GRIP1: variants seen among roughly 807,000 people sequenced by gnomAD.
The protein encoded by GRIP1 is glutamate receptor-interacting protein 1.
GRIP1 carries 45 observed loss-of-function variants against 129.9 expected under a neutral mutation model. That is an observed-to-expected ratio of 0.35 (90% CI 0.27 to 0.44). GRIP1 has a LOEUF of 0.44. Among genes scored for constraint, GRIP1 ranks in the 20% least tolerant of loss-of-function variants. GRIP1 has a pLI of 1.00. For missense variants in GRIP1, 1,196 were observed against 1,396.8 expected (o/e 0.86, Z 2.29); for synonymous variants, 530 against 520.8 (o/e 1.02, Z -0.24).
At chr12:66,949,776 T>C (rs1261982074) in intron 1 of GRIP1, among the ~76,000 whole-genome samples, 4 of 142,806 alleles carry the variant, frequency 2.8e-5, no homozygotes, top group African/African-American at 1.0e-4. Context: ...TTTTTTTTTT[T>C]TTTTTTTTTG....
At chr12:66,635,997 A>G (rs545366047) in intron 1 of GRIP1, among the ~76,000 whole-genome samples, 1 of 152,332 alleles carries the variant, frequency 6.6e-6, no homozygotes, top group South Asian at 2.1e-4. Context: ...CGATGGTGGA[A>G]GCAACCCTAC....
chr12:66,363,200 C>CAT (rs35452357), intron 23 of GRIP1, among the ~76,000 whole-genome samples: 6,194 of 88,102 alleles, frequency 0.07, 419 homozygotes, highest in African/African-American at 0.085. Context: ...TGTGTGTGTC[C>CAT]ATATATATAT....
At chr12:67,059,259 G>C (rs767515464) in intron 1 of GRIP1, among the ~76,000 whole-genome samples, 1 of 152,216 alleles carries the variant, frequency 6.6e-6, no homozygotes, top group Non-Finnish European at 1.5e-5. Flanking sequence ...CCTAGAAAAG[G>C]CCTCGGTAGA....
chr12:66,878,654 G>A (rs1454952460), intron 1 of GRIP1, among the ~76,000 whole-genome samples: 1 of 152,068 alleles, frequency 6.6e-6, no homozygotes, highest in East Asian at 1.9e-4. Flanking sequence ...ATCAGACTCC[G>A]TTTTAGGCAG....
At chr12:66,422,721 C>T (rs12371626) in intron 14 of GRIP1, among the ~76,000 whole-genome samples, 16,903 of 152,202 alleles carry the variant, frequency 0.11, 1,076 homozygotes, top group Middle Eastern at 0.15. Context: ...ACCTACACAG[C>T]TTTGCAGAGG....
intron 16 of GRIP1, among the ~76,000 whole-genome samples, chr12:66,397,110 C>CAA (rs71436004): frequency 0.13 from 7,785 of 59,856 alleles, 1,466 homozygotes; most frequent in Middle Eastern, 0.19. Flanking sequence ...GACTCTGTCT[C>CAA]AAAAAAAAAA....
chr12:66,627,108 T>A (rs1368364560), intron 1 of GRIP1, among the ~76,000 whole-genome samples: 1 of 152,228 alleles, frequency 6.6e-6, no homozygotes, highest in African/African-American at 2.4e-5. Context: ...AATACTTAGA[T>A]GTTCTTTCTC....
At chr12:66,420,881 G>A in intron 14 of GRIP1, 92 bp from the exon 15 acceptor site, 2 of 773,280 alleles carry the variant, frequency 2.6e-6, no homozygotes, top group Non-Finnish European at 4.7e-6. Context: ...CTTAATGCAA[G>A]TAATGTTTGT....
At chr12:66,604,581 T>TAGA (rs5798831) in intron 1 of GRIP1, among the ~76,000 whole-genome samples, 69 of 151,774 alleles carry the variant, frequency 4.5e-4, no homozygotes, top group African/African-American at 1.6e-3. Flanking sequence ...TTTTTCTTTG[T>TAGA]GAGAGGGCTA....
intron 1 of GRIP1, among the ~76,000 whole-genome samples, chr12:66,665,687 G>C (rs959975846): frequency 2.6e-5 from 4 of 152,090 alleles, no homozygotes; most frequent in African/African-American, 9.7e-5. Context: ...GGGATATTTG[G>C]GTTGTTTCCA....
intron 1 of GRIP1, among the ~76,000 whole-genome samples, chr12:66,699,768 T>C (rs1354749668): frequency 3.9e-5 from 6 of 151,928 alleles, no homozygotes; most frequent in Non-Finnish European, 1.5e-5. Flanking sequence ...AGTATGAGAG[T>C]TCAAAGGGCT....
chr12:66,803,363 A>C (rs1035805266), intron 1 of GRIP1, among the ~76,000 whole-genome samples: 2 of 152,280 alleles, frequency 1.3e-5, no homozygotes, highest in African/African-American at 4.8e-5. Context: ...GGGCATTTTA[A>C]ATCTAGTGGG....
At chr12:66,650,367 A>C (rs2032706612) in intron 1 of GRIP1, among the ~76,000 whole-genome samples, 1 of 152,228 alleles carries the variant, frequency 6.6e-6, no homozygotes, top group Non-Finnish European at 1.5e-5. Flanking sequence ...CTTGGTAAGC[A>C]AATAAAGTAT....
chr12:66,989,295 C>G (rs913539285), intron 1 of GRIP1, among the ~76,000 whole-genome samples: 11 of 152,220 alleles, frequency 7.2e-5, no homozygotes, highest in Non-Finnish European at 1.2e-4. Context: ...TTCTTTGTTG[C>G]TACTCTGGGT....
chr12:66,736,396 A>T (rs2036603582), intron 1 of GRIP1, among the ~76,000 whole-genome samples: 4 of 63,004 alleles, frequency 6.3e-5, no homozygotes, highest in Non-Finnish European at 1.3e-4. Flanking sequence ...TTTTTTTAGG[A>T]TACAGGGTCT....
At chr12:66,955,416 T>C (rs2041823977) in intron 1 of GRIP1, among the ~76,000 whole-genome samples, 1 of 151,902 alleles carries the variant, frequency 6.6e-6, no homozygotes, top group East Asian at 1.9e-4. Flanking sequence ...CTCTTTCAAA[T>C]AATAGCACCT....
intron 1 of GRIP1, among the ~76,000 whole-genome samples, chr12:66,802,060 TC>T (rs1393894922): frequency 6.6e-6 from 1 of 152,084 alleles, no homozygotes; most frequent in Non-Finnish European, 1.5e-5. Flanking sequence ...AGTGGATGTC[TC>T]CCCTACCCAA....
At chr12:66,770,172 TGTGA>T (rs1277485354) in intron 1 of GRIP1, among the ~76,000 whole-genome samples, 8 of 152,212 alleles carry the variant, frequency 5.3e-5, no homozygotes, top group African/African-American at 1.9e-4. Context: ...GTTCGATAAA[TGTGA>T]GTTTTTGTTT....
intron 2 of GRIP1, among the ~76,000 whole-genome samples, chr12:66,579,566 G>T (rs2063289090): frequency 6.6e-6 from 1 of 152,178 alleles, no homozygotes; most frequent in African/African-American, 2.4e-5. Flanking sequence ...GCTTAAAGGA[G>T]CTGATGAAGC....
Sources: gnomAD v4.1 joint callset for allele counts (sites outside exome capture counted in the v4.1 genomes callset) on GRCh38, gnomAD v4.1.1 for gene constraint, MANE v1.5 for transcripts, NCBI Gene and HGNC (gene_info 2026-07-23, HGNC 2026-07-21) for gene names.